DSE: variants seen among roughly 807,000 people sequenced by gnomAD.
The protein encoded by DSE is dermatan sulfate epimerase, also known as dermatan-sulfate epimerase.
In DSE, 36 loss-of-function variants were observed where a neutral mutation model predicts 84.4. The observed-to-expected ratio is 0.43, with a 90% CI of 0.33 to 0.56. The LOEUF is 0.56. DSE is among the 20% of genes least tolerant of loss of function. The pLI is 0.06. For synonymous variants in DSE, 410 were observed against 430.1 expected (o/e 0.95, Z 0.58); for missense variants, 862 against 1,169.6 (o/e 0.74, Z 3.84).
At position 116,279,676 on chromosome 6, in the gene DSE, C is replaced by G; in HGVS notation, c.-54+20709C>G. ...CGGGAGCGCGACGGTCTCCGAGCCTCCCTCACCCGGCTCCGCCATCACCTG... is the reference window on the plus strand; with the variant it reads ...CGGGAGCGCGACGGTCTCCGAGCCTGCCTCACCCGGCTCCGCCATCACCTG... On this transcript the variant is annotated intron_variant, in intron 2 of 3. Coordinates refer to the DSE transcript ENST00000430252. 8 of 1,609,172 alleles carry G rather than the reference C, an allele frequency of 5.0e-6. No homozygotes were observed. The highest frequency in any genetic ancestry group is 5.9e-6 in the Non-Finnish European group (7 of 1,179,978).
chr6:116,350,518 A>G (rs1218290049), intron 2 of DSE, among the ~76,000 whole-genome samples: 1 of 152,190 alleles, frequency 6.6e-6, no homozygotes, highest in Non-Finnish European at 1.5e-5. Context: ...TTCTACCCAG[A>G]TTATCTCAGG....
In DSE at chr6:116,440,584, G is replaced by C. The variant is rs1435162679; in HGVS notation, c.*3239G>C. On this transcript the variant is annotated 3_prime_UTR_variant, in exon 6 of 6. Coordinates refer to ENST00000644252, the MANE Select transcript of DSE (RefSeq NM_013352.4). ...TGTAGGCTTAAAAGTAAATTAGTGT[G>C]TTTTCTTAAAAATCTAAACCAAGAT... 1 of 152,146 alleles carries C rather than the reference G, an allele frequency of 6.6e-6. No individual in the cohort carries two copies. The highest frequency in any genetic ancestry group is 1.5e-5 in the Non-Finnish European group (1 of 68,030). 9.4% of individuals were successfully genotyped at this position (152,146 alleles called of 1,614,324 possible).
chr6:116,288,824 G>C lies in DSE; in HGVS notation c.-54+29857G>C, dbSNP rs11965333. Among the ~76,000 whole-genome samples the C allele has an allele frequency of 5.9e-3, 895 of 152,072 alleles. 9 individuals are homozygous for C. Among genetic ancestry groups the C allele is most frequent in the African/African-American group, 0.02 (837 of 41,488 alleles). On this transcript the variant is annotated intron_variant, in intron 2 of 3. Coordinates refer to the DSE transcript ENST00000430252. ...ACAGCATCTTCAAGTGGTGGAAAAA[G>C]GTGTAGTTGCTGGAACTAAAATGCC...
intron 1 of DSE, among the ~76,000 whole-genome samples, chr6:116,375,760 A>G (rs1779885588): frequency 6.6e-6 from 1 of 152,238 alleles, no homozygotes; most frequent in African/African-American, 2.4e-5. Context: ...CCCTGAACAT[A>G]CATCTACATA....
chr6:116,350,815 A>T lies in DSE; in HGVS notation c.-53-48383A>T, dbSNP rs999465012. ...ACCAAATACTCTGACTCCAAGTAAT[A>T]AAAAAAAATAGCTTTTGGGTCTTTT... On this transcript the variant is annotated intron_variant, in intron 2 of 3. Transcript: ENST00000430252. 2.0e-5 allele frequency among the ~76,000 whole-genome samples: 3 copies of T among 151,324 alleles called. No individual in the cohort carries two copies. In the East Asian group the frequency reaches 5.8e-4, roughly 29 times the overall value.
chr6:116,291,175 TAATTATAATACCAGATGAAACAAAC>T (rs1056155802), intron 2 of DSE, among the ~76,000 whole-genome samples: 4 of 152,232 alleles, frequency 2.6e-5, no homozygotes, highest in African/African-American at 7.2e-5. Flanking sequence ...CAGAAACACA[TAATTATAATACCAGATGAAACAAAC>T]AATTATAATA....
chr6:116,325,882 C>G (rs1490534080), intron 2 of DSE, among the ~76,000 whole-genome samples: 1 of 152,114 alleles, frequency 6.6e-6, no homozygotes, highest in African/African-American at 2.4e-5. Context: ...ATTCTCCTCC[C>G]TTTTAAGGGC....
intron 2 of DSE, among the ~76,000 whole-genome samples, chr6:116,344,118 G>T (rs1339296580): frequency 6.6e-6 from 1 of 152,196 alleles, no homozygotes; most frequent in Non-Finnish European, 1.5e-5. Context: ...AAGCCTCCAA[G>T]AAATATGGGA....
intron 2 of DSE, among the ~76,000 whole-genome samples, chr6:116,408,662 C>T (rs1782094575): frequency 6.6e-6 from 1 of 152,140 alleles, no homozygotes; most frequent in Non-Finnish European, 1.5e-5. Flanking sequence ...GACACTGTAC[C>T]TTTGACGTAC....
intron 1 of DSE, among the ~76,000 whole-genome samples, chr6:116,372,546 A>G (rs1050475969): frequency 9.2e-5 from 14 of 152,202 alleles, no homozygotes; most frequent in East Asian, 1.9e-4. Flanking sequence ...ATATTACTAA[A>G]TGGGATCACA....
chr6:116,265,857 T>C (rs183814881), intron 2 of DSE, among the ~76,000 whole-genome samples: 1 of 152,330 alleles, frequency 6.6e-6, no homozygotes, highest in East Asian at 1.9e-4. Context: ...CTAGTTGTGC[T>C]CTGCTACAGA....
intron 2 of DSE, among the ~76,000 whole-genome samples, chr6:116,270,631 GAC>G (rs140779843): frequency 0.031 from 4,752 of 152,176 alleles, 175 homozygotes; most frequent in African/African-American, 0.085. Flanking sequence ...CATTTTTAAA[GAC>G]AGGATACAGT....
rs113331456 is a variant in DSE, at chr6:116,385,227, G to A, written c.-53-13971G>A. ...ATGGCCAGGCTGCTTAGCCCCTTGAGAGCAATGCTTAGGAGTTTGATGCTT... is the reference window on the plus strand; with the variant it reads ...ATGGCCAGGCTGCTTAGCCCCTTGAAAGCAATGCTTAGGAGTTTGATGCTT... On this transcript the variant is annotated intron_variant, in intron 1 of 5. Coordinates refer to ENST00000644252, the MANE Select transcript of DSE (RefSeq NM_013352.4). Among the ~76,000 whole-genome samples the A allele has an allele frequency of 1.6e-3, 247 of 152,316 alleles. 3 individuals carry two copies. Among genetic ancestry groups the A allele is most frequent in the African/African-American group, 5.2e-3 (218 of 41,560 alleles).
At chr6:116,328,199 AG>A (rs1776739344) in intron 2 of DSE, among the ~76,000 whole-genome samples, 1 of 152,242 alleles carries the variant, frequency 6.6e-6, no homozygotes, top group Non-Finnish European at 1.5e-5. Flanking sequence ...AAAACATACA[AG>A]GTACAGTCAT....
intron 2 of DSE, among the ~76,000 whole-genome samples, chr6:116,292,094 T>C (rs1054379394): frequency 6.6e-6 from 1 of 152,066 alleles, no homozygotes; most frequent in Non-Finnish European, 1.5e-5. Flanking sequence ...ACAGTTAGAC[T>C]TGGAAATCTT....
intron 2 of DSE, among the ~76,000 whole-genome samples, chr6:116,301,709 A>G (rs1175345942): frequency 6.6e-6 from 1 of 152,066 alleles, no homozygotes; most frequent in African/African-American, 2.4e-5. Flanking sequence ...ATAGGTATAC[A>G]CATGCCATGG....
rs913424039 is a variant in DSE at position 116,279,637 on chromosome 6, G to A, written c.-54+20670G>A. 5.0e-6 allele frequency: 8 copies of A among 1,604,864 alleles called. No homozygotes were observed. The highest frequency in any genetic ancestry group is 6.8e-6 in the Non-Finnish European group (8 of 1,179,878). On this transcript the variant is annotated intron_variant, in intron 2 of 3. Transcript: ENST00000430252. ...ATCCTGGGGTACGCCCCCCTCCTCT[G>A]AAGGCGGTGGAGGCGGGAGCGCGAC...
intron 2 of DSE, among the ~76,000 whole-genome samples, chr6:116,415,599 CTTT>C (rs577156045): frequency 1.5e-5 from 2 of 132,432 alleles, no homozygotes; most frequent in East Asian, 2.1e-4. Context: ...GGCCAGTCCT[CTTT>C]TTTTTTTTTC....
At chr6:116,287,761 A>C (rs1438640239) in intron 2 of DSE, among the ~76,000 whole-genome samples, 1 of 152,068 alleles carries the variant, frequency 6.6e-6, no homozygotes, top group Non-Finnish European at 1.5e-5. Context: ...CATTTTTTGT[A>C]ATTACTAAAA....
Sources: allele counts gnomAD v4.1 joint callset (sites outside exome capture counted in the v4.1 genomes callset), GRCh38; gene constraint gnomAD v4.1.1; transcripts MANE v1.5; gene names NCBI Gene and HGNC (gene_info 2026-07-23, HGNC 2026-07-21).